Variants in PDE4A observed in about 807,000 individuals in gnomAD.
PDE4A encodes phosphodiesterase 4A.
Under a neutral mutation model 73.9 loss-of-function variants are expected in PDE4A, and 21 were observed. The ratio of observed to expected loss-of-function variants is 0.28; its 90% CI spans 0.20 to 0.41. The LOEUF is 0.41. Ranked by LOEUF, PDE4A falls within the 10% of genes least tolerant of loss-of-function variation. The pLI, the probability that PDE4A is intolerant of heterozygous loss-of-function variation, is 1.00. For missense variants in PDE4A, 958 were observed against 1,211.4 expected (o/e 0.79, Z 3.10); for synonymous variants, 463 against 505.4 (o/e 0.92, Z 1.13).
chr19:10,457,214 C>T (rs4804503), intron 7 of PDE4A, among the ~76,000 whole-genome samples: 36,965 of 151,912 alleles, frequency 0.24, 5,074 homozygotes, highest in African/African-American at 0.35. Flanking sequence ...AAAAAGTGTT[C>T]GGTGTTTCCA....
At position 10,446,634 on chromosome 19, in the gene PDE4A, G is replaced by A. The variant is rs147406468; in HGVS notation, c.512+225G>A. On this transcript the variant is annotated intron_variant, in intron 2 of 14. Transcript: ENST00000380702. ...TTTTGAGACGGAGTCTCGCTCTGTC[G>A]TCCAGGCTGGAGTGTAGAGGTGCCA... Among the ~76,000 whole-genome samples the A allele has an allele frequency of 5.7e-3, 844 of 147,458 alleles. 14 individuals are homozygous for A. The highest frequency in any genetic ancestry group is 0.032 in the East Asian group (160 of 5,012).
chr19:10,420,957 A>G lies in PDE4A; in HGVS notation c.193A>G (p.Ile65Val). 1.9e-6 allele frequency: 3 copies of G among 1,558,382 alleles called. No individual in the cohort carries two copies. Among genetic ancestry groups the G allele is most frequent in the Non-Finnish European group, 2.6e-6 (3 of 1,161,234 alleles). ...AERERQPHRP[I>V]ERADAMDTSD... ...GCGGGAGCGGCAGCCGCACCGGCCCATAGAGCGCGCCGATGCCATGGACAC... is the reference window on the plus strand; with the variant it reads ...GCGGGAGCGGCAGCCGCACCGGCCCGTAGAGCGCGCCGATGCCATGGACAC... Residue 65 changes from isoleucine to valine, a missense_variant, in exon 1 of 15, where the codon ATA (isoleucine) becomes GTA (valine). This residue lies in a region of PDE4A where 145 missense variants were observed against 137.8 expected (regional missense o/e 1.05). Coordinates refer to ENST00000380702, the MANE Select transcript of PDE4A (RefSeq NM_001111307.2). This position sits in a 1 kb window ranked among gnomAD's most constrained non-coding sequence, Gnocchi z 6.0.
chr19:10,459,058 C>G, intron 8 of PDE4A: 1 of 307,522 alleles, frequency 3.3e-6, no homozygotes, highest in Non-Finnish European at 6.3e-6. Context: ...TGGGGCCAGT[C>G]GTGCTGGGTT....
intron 14 of PDE4A, chr19:10,464,493 T>G: frequency 2.2e-6 from 1 of 452,662 alleles, no homozygotes; most frequent in Non-Finnish European, 4.4e-6. Flanking sequence ...CATAGCTCAC[T>G]GCAGCCTTGA....
chr19:10,434,570 A>G (rs945424094), intron 1 of PDE4A, among the ~76,000 whole-genome samples: 1 of 150,518 alleles, frequency 6.6e-6, no homozygotes, highest in Non-Finnish European at 1.5e-5. Context: ...AATGCCTAGC[A>G]TGTGGTCTTC....
intron 6 of PDE4A, among the ~76,000 whole-genome samples, chr19:10,451,747 T>A (rs2043094815): frequency 6.6e-6 from 1 of 152,068 alleles, no homozygotes; most frequent in Non-Finnish European, 1.5e-5. Context: ...GACGGTGCAC[T>A]GCACAACTCC....
chr19:10,446,143 C>G (rs555383334), intron 1 of PDE4A, 75 bp from the exon 2 acceptor site: 22 of 1,507,854 alleles, frequency 1.5e-5, no homozygotes, highest in Non-Finnish European at 2.0e-5. Flanking sequence ...CCACCGCACC[C>G]GGCCTCCTCA....
intron 1 of PDE4A, among the ~76,000 whole-genome samples, chr19:10,434,441 T>C (rs58344707): frequency 0.17 from 26,498 of 151,948 alleles, 2,770 homozygotes; most frequent in African/African-American, 0.28. Flanking sequence ...CTCCTGGCCC[T>C]AAGTGATCCA....
rs78238013 is a variant in PDE4A, at chr19:10,429,169, G to T, written c.320+8085G>T. Among the ~76,000 whole-genome samples, 12 of 145,220 alleles carry T rather than the reference G, an allele frequency of 8.3e-5. No individual in the cohort carries two copies. In the East Asian group the frequency reaches 2.2e-3, roughly 27 times the overall value. On this transcript the variant is annotated intron_variant, in intron 1 of 14. Transcript: ENST00000380702. The stretch of plus-strand genomic sequence containing the variant: ...GAGAAAGGAAAGGAAAGGAAAGGAA[G>T]GAAGAAATGAAGGAAGGAAGGAAGG...
In PDE4A at chr19:10,424,467, G is replaced by T. The variant is rs955409844; in HGVS notation, c.320+3383G>T. On this transcript the variant is annotated intron_variant, in intron 1 of 14. Transcript: ENST00000380702. The surrounding 1 kb of genome is among the most constrained non-coding windows in gnomAD (Gnocchi z 4.8). Reference sequence around the variant, plus strand: ...GTCCCTGGATGTGGGTTGGGAGCGGGTCTCCCCGCGCGCCCTCTGCTGGAC... The same window carrying T: ...GTCCCTGGATGTGGGTTGGGAGCGGTTCTCCCCGCGCGCCCTCTGCTGGAC... Among the ~76,000 whole-genome samples the T allele has an allele frequency of 1.3e-5, 2 of 152,236 alleles. No homozygotes were observed. Among genetic ancestry groups the T allele is most frequent in the East Asian group, 3.8e-4 (2 of 5,196 alleles).
At chr19:10,452,909 A>C (rs2145552294) in intron 6 of PDE4A, 2 of 976,696 alleles carry the variant, frequency 2.0e-6, no homozygotes, top group Non-Finnish European at 1.2e-6. Context: ...GCAGCCTGCC[A>C]GTGCTGCAGT....
At position 10,467,909 on chromosome 19, in the gene PDE4A, G is replaced by T; in HGVS notation, c.*288G>T. On this transcript the variant is annotated 3_prime_UTR_variant, in exon 15 of 15. Coordinates refer to ENST00000380702, the MANE Select transcript of PDE4A (RefSeq NM_001111307.2). ...CATTTTTAGAAAAAGAACAAAAAAA[G>T]AAAAAAAAAAGAAAGAAACACAGCA... is the stretch of plus-strand genomic sequence containing the variant. 4 of 241,378 alleles carry T rather than the reference G, an allele frequency of 1.7e-5. No homozygotes were observed. Among genetic ancestry groups the T allele is most frequent in the East Asian group, 7.2e-5 (1 of 13,872 alleles). The allele number at this position is 241,378 out of a possible 1,614,324, so 15.0% of individuals were successfully genotyped here. A position where few individuals can be genotyped will look rare whatever the true frequency, so the allele number is the denominator to read the frequency against.
chr19:10,438,055 C>T (rs1003871232), intron 1 of PDE4A, among the ~76,000 whole-genome samples: 1 of 151,918 alleles, frequency 6.6e-6, no homozygotes, highest in Non-Finnish European at 1.5e-5. Context: ...GCAATCCTCC[C>T]GCGTGGGCCT....
At chr19:10,457,776 T>A (rs1439861422) in intron 7 of PDE4A, 103 bp from the exon 8 acceptor site, 2 of 1,530,626 alleles carry the variant, frequency 1.3e-6, no homozygotes, top group Non-Finnish European at 1.7e-6. Flanking sequence ...GTTCTGCCGT[T>A]TCGGGTGAGC....
chr19:10,416,841 C>A (rs898319324), upstream of PDE4A: 3 of 1,532,184 alleles, frequency 2.0e-6, no homozygotes, highest in Non-Finnish European at 2.6e-6. Flanking sequence ...GCAGGGGGAG[C>A]CCTGGGGCAC....
intron 10 of PDE4A, 37 bp from the exon 11 acceptor site, chr19:10,460,967 A>G: frequency 6.3e-7 from 1 of 1,590,060 alleles, no homozygotes. Context: ...GCATGGCTTC[A>G]ACTCTGTTAT....
rs1167350094 is a variant in PDE4A, at chr19:10,468,775, T to G, written c.*1154T>G. On this transcript the variant is annotated 3_prime_UTR_variant, in exon 15 of 15. Coordinates refer to ENST00000380702, the MANE Select transcript of PDE4A (RefSeq NM_001111307.2). The stretch of plus-strand genomic sequence containing the variant: ...CCTTCCACCCTGGCACCAAAATAAT[T>G]TCTCCTCCATCCGTACCTTGCCTAG... The G allele has an allele frequency of 6.5e-6, 1 of 152,980 alleles. No homozygotes were observed. The highest frequency in any genetic ancestry group is 2.4e-5 in the African/African-American group (1 of 41,316). 9.5% of individuals were successfully genotyped at this position (152,980 alleles called of 1,614,324 possible).
At chr19:10,448,664 A>C (rs1599433068) in intron 2 of PDE4A, among the ~76,000 whole-genome samples, 6 of 143,248 alleles carry the variant, frequency 4.2e-5, no homozygotes, top group East Asian at 2.1e-4. Flanking sequence ...AACCATATTC[A>C]CCTCTCCCCT....
intron 1 of PDE4A, chr19:10,430,957 C>A: frequency 6.5e-7 from 1 of 1,533,300 alleles, no homozygotes; most frequent in Non-Finnish European, 8.7e-7. Flanking sequence ...GCCCCGCGCG[C>A]GCCCCGCCGC....
Sources: allele counts gnomAD v4.1 joint callset (sites outside exome capture counted in the v4.1 genomes callset), GRCh38; gene constraint gnomAD v4.1.1; regional missense constraint gnomAD v4.1.1; non-coding constraint Gnocchi (gnomAD v3.1); transcripts MANE v1.5; gene names NCBI Gene and HGNC (gene_info 2026-07-23, HGNC 2026-07-21).